The following PI4KA variants were observed in gnomAD, a reference collection of about 807,000 sequenced individuals.
PI4KA encodes the protein PI4-kinase alpha.
In PI4KA, 122 loss-of-function variants were observed where a neutral mutation model predicts 271.4. The ratio of observed to expected loss-of-function variants is 0.45; its 90% CI spans 0.39 to 0.52. PI4KA has a LOEUF of 0.52. Ranked by LOEUF, PI4KA falls within the 20% of genes least tolerant of loss-of-function variation. The pLI is 0.00. For synonymous variants in PI4KA, 1,041 were observed against 1,078.8 expected (o/e 0.96, Z 0.69); for missense variants, 1,969 against 2,769.1 (o/e 0.71, Z 6.48).
intron 1 of PI4KA, among the ~76,000 whole-genome samples, chr22:20,840,951 G>A (rs1234818795): frequency 6.6e-6 from 1 of 152,138 alleles, no homozygotes; most frequent in Non-Finnish European, 1.5e-5. Context: ...GAGACCTACT[G>A]GGCTACATTC....
At chr22:20,786,284 TG>T in intron 19 of PI4KA, 1 of 977,898 alleles carries the variant, frequency 1.0e-6, no homozygotes, top group East Asian at 2.5e-5. Flanking sequence ...TCGGCCTGGG[TG>T]GGATACACAG....
chr22:20,757,447 A>G (rs1332202590), intron 23 of PI4KA, among the ~76,000 whole-genome samples: 2 of 152,194 alleles, frequency 1.3e-5, no homozygotes, highest in African/African-American at 4.8e-5. Context: ...AGAAAAACAG[A>G]GCTCAGAGAG....
intron 30 of PI4KA, 146 bp downstream of exon 30, chr22:20,744,482 C>T: frequency 1.7e-6 from 1 of 592,574 alleles, no homozygotes; most frequent in Non-Finnish European, 3.0e-6. Flanking sequence ...AAGAATCCTC[C>T]TAAAATGTGC....
intron 16 of PI4KA, 38 bp downstream of exon 16, chr22:20,799,055 C>A: frequency 6.4e-7 from 1 of 1,558,962 alleles, no homozygotes; most frequent in Non-Finnish European, 8.8e-7. Flanking sequence ...ACGTAGCTTG[C>A]ACAGGGTTAG....
At chr22:20,794,441 C>A (rs1934857962) in intron 18 of PI4KA, among the ~76,000 whole-genome samples, 1 of 152,204 alleles carries the variant, frequency 6.6e-6, no homozygotes, top group African/African-American at 2.4e-5. Flanking sequence ...ACACACTTCT[C>A]TCCTGTGCAC....
chr22:20,815,208 C>G (rs371689866), intron 7 of PI4KA, among the ~76,000 whole-genome samples: 5 of 151,754 alleles, frequency 3.3e-5, no homozygotes, highest in African/African-American at 9.7e-5. Context: ...TGGTGAAACG[C>G]TGTCCCTACT....
intron 19 of PI4KA, 117 bp from the exon 20 acceptor site, chr22:20,765,810 T>C (rs1932472664): frequency 4.4e-6 from 3 of 681,360 alleles, no homozygotes; most frequent in Non-Finnish European, 7.9e-6. Context: ...AAACTCAGAC[T>C]GGGTAGGAAA....
At chr22:20,761,117 C>T (rs904834260) in intron 23 of PI4KA, among the ~76,000 whole-genome samples, 187 bp downstream of exon 23, 1 of 152,176 alleles carries the variant, frequency 6.6e-6, no homozygotes, top group Non-Finnish European at 1.5e-5. Context: ...CTGTTCGGGG[C>T]CCTTGCACCA....
At chr22:20,811,911 G>A (rs1290300127) in intron 8 of PI4KA, among the ~76,000 whole-genome samples, 1 of 151,596 alleles carries the variant, frequency 6.6e-6, no homozygotes, top group Admixed American at 6.6e-5. Context: ...TACTCAGGAG[G>A]CTGAGGGAGG....
chr22:20,829,435 G>C (rs937270008), intron 3 of PI4KA, among the ~76,000 whole-genome samples: 1 of 152,096 alleles, frequency 6.6e-6, no homozygotes, highest in African/African-American at 2.4e-5. Context: ...TTTCTGGCTT[G>C]TAGGCATAGA....
At chr22:20,853,040 C>A (rs1230629209) in intron 1 of PI4KA, among the ~76,000 whole-genome samples, 1 of 152,184 alleles carries the variant, frequency 6.6e-6, no homozygotes, top group Non-Finnish European at 1.5e-5. Context: ...AATCTGAGAC[C>A]AGCCTGGGCA....
chr22:20,813,415 A>G lies in PI4KA; in HGVS notation c.948T>C (p.Gly316=). The change falls in exon 8 of 55, where the codon GGT becomes GGC. Residue 316 remains glycine (G), a synonymous_variant. Coordinates refer to ENST00000255882, the MANE Select transcript of PI4KA (RefSeq NM_058004.4). ...SSFSVSPLFN[G]VTYKEFNIPL... Reference sequence around the variant, plus strand: ...GAATGTTAAACTCCTTATATGTGACACCGTTGAAAAGGGGAGAGACTGAGA... The same window carrying G: ...GAATGTTAAACTCCTTATATGTGACGCCGTTGAAAAGGGGAGAGACTGAGA... 1.2e-6 allele frequency: 2 copies of G among 1,613,598 alleles called. No individual in the cohort carries two copies. The highest frequency in any genetic ancestry group is 1.7e-6 in the Non-Finnish European group (2 of 1,179,548).
chr22:20,820,439 T>C (rs2147697876), intron 5 of PI4KA, 100 bp downstream of exon 5: 1 of 787,792 alleles, frequency 1.3e-6, no homozygotes, highest in Non-Finnish European at 2.1e-6. Context: ...TTTTCTCCCA[T>C]CATATATATT....
chr22:20,720,304 C>T (rs1387634168), intron 43 of PI4KA, among the ~76,000 whole-genome samples: 9 of 152,120 alleles, frequency 5.9e-5, no homozygotes, highest in African/African-American at 2.2e-4. Flanking sequence ...GATCCTCCTG[C>T]CTTGGCCTCC....
intron 19 of PI4KA, among the ~76,000 whole-genome samples, chr22:20,776,322 G>A (rs747009987): frequency 6.6e-5 from 10 of 152,106 alleles, no homozygotes; most frequent in South Asian, 6.2e-4. Context: ...AGACCCCGCC[G>A]TCTCAAAATA....
rs199623828 is a variant in PI4KA at position 20,801,582 on chromosome 22, TA to T, written c.1724+390del. Among the ~76,000 whole-genome samples, 21 of 143,872 alleles carry T rather than the reference TA, an allele frequency of 1.5e-4. No homozygotes were observed. The South Asian group carries it at 3.1e-3, about 21-fold the overall frequency. 94.4% of individuals were successfully genotyped at this position (143,872 alleles called of 152,430 possible). A position where few individuals can be genotyped will look rare whatever the true frequency, so the allele number is the denominator to read the frequency against. ...CCCCAGGCAACAGTGCAAGACTGTA[TA>T]AAAAAAAATGTATAAATGGGGTGGG... is the stretch of plus-strand genomic sequence containing the variant. On this transcript the variant is annotated intron_variant, in intron 14 of 54. Transcript: ENST00000255882.
intron 1 of PI4KA, among the ~76,000 whole-genome samples, chr22:20,852,659 C>T (rs374134860): frequency 6.6e-5 from 10 of 152,144 alleles, no homozygotes; most frequent in African/African-American, 1.2e-4. Context: ...TCTCTCCTCT[C>T]GCTCTACGGA....
chr22:20,736,252 G>A (rs1021091160), intron 32 of PI4KA, among the ~76,000 whole-genome samples: 6 of 151,652 alleles, frequency 4.0e-5, no homozygotes, highest in African/African-American at 1.2e-4. Context: ...CAGCCCAGGA[G>A]GGCAGCTTCA....
At chr22:20,809,844 G>A (rs902978418) in intron 9 of PI4KA, among the ~76,000 whole-genome samples, 2 of 152,106 alleles carry the variant, frequency 1.3e-5, no homozygotes, top group African/African-American at 2.4e-5. Context: ...ACCAAACCAC[G>A]GCCAGCACAT....
Sources: gnomAD v4.1 joint callset for allele counts (sites outside exome capture counted in the v4.1 genomes callset) on GRCh38, gnomAD v4.1.1 for gene constraint, MANE v1.5 for transcripts, NCBI Gene and HGNC (gene_info 2026-07-23, HGNC 2026-07-21) for gene names.